The following AMBRA1 variants were observed in gnomAD, a reference collection of about 807,000 sequenced individuals.
AMBRA1 encodes the protein autophagy and beclin 1 regulator 1, also known as activating molecule in BECN1-regulated autophagy protein 1.
In AMBRA1, 47 loss-of-function variants were observed where a neutral mutation model predicts 125.4. The observed-to-expected ratio is 0.37, with a 90% CI of 0.30 to 0.48. AMBRA1 has a LOEUF of 0.48. Among genes scored for constraint, AMBRA1 ranks in the 20% least tolerant of loss-of-function variants. The probability of loss-of-function intolerance (pLI) is 0.99; values close to 1 mark genes in which losing one functional copy is unlikely to be tolerated. For synonymous variants in AMBRA1, 626 were observed against 655.5 expected (o/e 0.95, Z 0.69); for missense variants, 1,331 against 1,693.4 (o/e 0.79, Z 3.76).
intron 11 of AMBRA1, among the ~76,000 whole-genome samples, chr11:46,475,581 GA>G (rs1949782986): frequency 1.3e-5 from 2 of 152,154 alleles, no homozygotes; most frequent in African/African-American, 4.8e-5. Flanking sequence ...GTCAAATTCA[GA>G]AGGCCCAAGG....
chr11:46,558,734 T>G (rs1005207984), intron 1 of AMBRA1, among the ~76,000 whole-genome samples: 5 of 152,178 alleles, frequency 3.3e-5, no homozygotes, highest in African/African-American at 4.8e-5. Context: ...AAATTTATTT[T>G]ATCACACTGG....
At chr11:46,416,931 G>C (rs542634328) in intron 15 of AMBRA1, among the ~76,000 whole-genome samples, 1 of 152,324 alleles carries the variant, frequency 6.6e-6, no homozygotes, top group African/African-American at 2.4e-5. Context: ...GATGCCTGGA[G>C]AAACTCTGAC....
chr11:46,581,574 C>A (rs1450486422), intron 1 of AMBRA1, among the ~76,000 whole-genome samples: 1 of 152,012 alleles, frequency 6.6e-6, no homozygotes, highest in East Asian at 1.9e-4. Flanking sequence ...CCACTGCACT[C>A]CTGCCTGGGT....
intron 14 of AMBRA1, among the ~76,000 whole-genome samples, chr11:46,420,976 C>T (rs12283172): frequency 0.19 from 28,526 of 152,152 alleles, 2,975 homozygotes; most frequent in African/African-American, 0.28. Context: ...GACCTCTTTC[C>T]TAGAAATGTT....
intron 14 of AMBRA1, among the ~76,000 whole-genome samples, chr11:46,418,484 T>C (rs993713652): frequency 2.0e-5 from 3 of 151,384 alleles, no homozygotes; most frequent in African/African-American, 7.3e-5. Flanking sequence ...ACGTGCCACG[T>C]TGGTGTGCTG....
At chr11:46,424,919 G>A (rs1947043515) in intron 14 of AMBRA1, among the ~76,000 whole-genome samples, 1 of 152,012 alleles carries the variant, frequency 6.6e-6, no homozygotes, top group South Asian at 2.1e-4. Context: ...GGTGAATCAC[G>A]AGGTCAGGAG....
chr11:46,568,272 A>G (rs904672711), intron 1 of AMBRA1, among the ~76,000 whole-genome samples: 2 of 152,166 alleles, frequency 1.3e-5, no homozygotes, highest in Admixed American at 6.6e-5. Context: ...AGCCTGGCCA[A>G]CGTGGTGAAA....
chr11:46,543,886 A>G, intron 6 of AMBRA1, 89 bp downstream of exon 6: 5 of 1,091,226 alleles, frequency 4.6e-6, no homozygotes, highest in Non-Finnish European at 6.9e-6. Flanking sequence ...GGGTATTGAG[A>G]ATTAAAATCC....
chr11:46,430,063 C>T (rs541633315), intron 14 of AMBRA1, among the ~76,000 whole-genome samples: 4 of 151,816 alleles, frequency 2.6e-5, no homozygotes, highest in Admixed American at 6.6e-5. Context: ...AGGACTAGCA[C>T]GATAAACAGA....
rs1430976329 is a variant in AMBRA1, at chr11:46,491,885, G to A, written c.2521+1723C>T. Among the ~76,000 whole-genome samples, 3 of 152,098 alleles carry A rather than the reference G, an allele frequency of 2.0e-5. No homozygotes were observed. In the East Asian group the frequency reaches 5.8e-4, roughly 29 times the overall value. On this transcript the variant is annotated intron_variant, in intron 11 of 17. Transcript: ENST00000683756. ...TGAAGTAAGGAGGTCTTGGAGGCAA[G>A]GCAGAAAAAAACAACATACAGCTGT...
At chr11:46,433,652 A>T in intron 13 of AMBRA1, 24 bp from the exon 14 acceptor site, 1 of 1,606,318 alleles carries the variant, frequency 6.2e-7, no homozygotes, top group Non-Finnish European at 8.5e-7. Context: ...AAACAGAGAA[A>T]TATTTCCTAG....
intron 1 of AMBRA1, among the ~76,000 whole-genome samples, chr11:46,559,048 C>T (rs1450821215): frequency 6.6e-6 from 1 of 152,116 alleles, no homozygotes; most frequent in African/African-American, 2.4e-5. Context: ...CTCCTGTAAT[C>T]CAGCACTTTG....
chr11:46,456,179 G>A (rs926197039), intron 11 of AMBRA1, among the ~76,000 whole-genome samples: 3 of 151,346 alleles, frequency 2.0e-5, no homozygotes, highest in African/African-American at 7.3e-5. Flanking sequence ...AAGATTACTA[G>A]GAACAGTATT....
intron 12 of AMBRA1, among the ~76,000 whole-genome samples, chr11:46,438,600 C>A (rs1947844422): frequency 6.6e-6 from 1 of 152,174 alleles, no homozygotes; most frequent in Non-Finnish European, 1.5e-5. Flanking sequence ...TCTGAGCCCC[C>A]TGGATTTCAG....
chr11:46,410,403 G>T (rs372708312), intron 15 of AMBRA1, 35 bp from the exon 16 acceptor site: 1 of 1,574,622 alleles, frequency 6.4e-7, no homozygotes, highest in Non-Finnish European at 8.7e-7. Flanking sequence ...AGAAGAAGGT[G>T]AAAGGCATTA....
intron 7 of AMBRA1, among the ~76,000 whole-genome samples, chr11:46,523,950 C>T (rs1700708541): frequency 6.6e-6 from 1 of 152,162 alleles, no homozygotes; most frequent in African/African-American, 2.4e-5. Flanking sequence ...CTCACCGCAA[C>T]CTTCACCTCC....
chr11:46,416,287 T>C (rs1161295903), intron 15 of AMBRA1, among the ~76,000 whole-genome samples: 1 of 152,176 alleles, frequency 6.6e-6, no homozygotes, highest in Admixed American at 6.5e-5. Flanking sequence ...ATCCTGGGAC[T>C]AGGGACAGGC....
intron 8 of AMBRA1, among the ~76,000 whole-genome samples, chr11:46,509,925 C>T (rs1388107145): frequency 6.6e-6 from 1 of 152,026 alleles, no homozygotes; most frequent in Non-Finnish European, 1.5e-5. Context: ...CCAAATGGTA[C>T]AAAAAGTATT....
intron 9 of AMBRA1, chr11:46,494,477 C>G (rs972461093): frequency 1.5e-5 from 5 of 344,062 alleles, no homozygotes; most frequent in African/African-American, 6.0e-5. Flanking sequence ...CAAACTGAAG[C>G]CACATTTAGA....
Sources: allele counts gnomAD v4.1 joint callset (sites outside exome capture counted in the v4.1 genomes callset), GRCh38; gene constraint gnomAD v4.1.1; transcripts MANE v1.5; gene names NCBI Gene and HGNC (gene_info 2026-07-23, HGNC 2026-07-21).